CDH23: variants seen among roughly 807,000 people sequenced by gnomAD.
The protein encoded by CDH23 is cadherin-23.
Under a neutral mutation model 317.1 loss-of-function variants are expected in CDH23, and 189 were observed. The ratio of observed to expected loss-of-function variants is 0.60; its 90% CI spans 0.53 to 0.67. The LOEUF is 0.67. Ranked by LOEUF, CDH23 falls within the 30% of genes least tolerant of loss-of-function variation. The pLI, the probability that CDH23 is intolerant of heterozygous loss-of-function variation, is 0.00. For synonymous variants in CDH23, 1,839 were observed against 1,876.8 expected, an observed-to-expected ratio of 0.98 and a Z score of 0.52; for missense variants, 4,401 against 4,592.4, an observed-to-expected ratio of 0.96 and a Z score of 1.20.
intron 1 of CDH23, among the ~76,000 whole-genome samples, chr10:71,404,569 T>TA (rs1848010550): frequency 6.6e-6 from 1 of 152,160 alleles, no homozygotes; most frequent in African/African-American, 2.4e-5. Flanking sequence ...AGTCAGAGAG[T>TA]AAGCTTGTTC....
At chr10:71,813,157 T>G (rs1303158252) in intron 68 of CDH23, 87 bp from the exon 69 acceptor site, 13 of 1,296,510 alleles carry the variant, frequency 1.0e-5, no homozygotes, top group Non-Finnish European at 1.4e-5. Flanking sequence ...CAGATGTCCG[T>G]GTACCCCTTA....
intron 9 of CDH23, among the ~76,000 whole-genome samples, chr10:71,611,967 G>A (rs140472891): frequency 9.6e-4 from 146 of 152,274 alleles, no homozygotes; most frequent in African/African-American, 3.4e-3. Flanking sequence ...AATGAGACGT[G>A]CCCTTGGCCT....
At chr10:71,747,972 ATGCTC>A (rs1839893684) in intron 38 of CDH23, 1 of 152,310 alleles carries the variant, frequency 6.6e-6, no homozygotes, top group African/African-American at 2.4e-5. Flanking sequence ...GCTGGGCCTC[ATGCTC>A]AGCTGGGCTG....
chr10:71,810,005 G>A lies in CDH23; in HGVS notation c.8908G>A (p.Gly2970Ser), dbSNP rs779553715. 5.0e-6 allele frequency: 8 copies of A among 1,612,330 alleles called. No homozygotes were observed. The highest frequency in any genetic ancestry group is 4.5e-5 in the East Asian group (2 of 44,896). Reference protein sequence around the residue: ...VINEIPDRVRGFEEEFIHLLS... With the variant: ...VINEIPDRVRSFEEEFIHLLS... ...TAACGAGATCCCCGACCGTGTGCGC[G>A]GCTTCGAGGAGGAGTTCATCCACCT... The change falls in exon 61 of 70, where the codon GGC (glycine) becomes AGC (serine). Residue 2970 changes from glycine (G) to serine (S), a missense_variant. Physicochemically the swap from Gly to Ser is moderately conservative, Grantham distance 56 (BLOSUM62 0). Around this residue, in one of 3 missense-constraint regions of CDH23, gnomAD observed 1,144 missense variants for 1,138.2 expected, o/e 1.01. Transcript: ENST00000224721.
At chr10:71,575,466 C>T (rs1337127752) in intron 8 of CDH23, among the ~76,000 whole-genome samples, 7 of 152,194 alleles carry the variant, frequency 4.6e-5, no homozygotes, top group South Asian at 4.1e-4. Context: ...AGGATTCGAG[C>T]GCACGCAGTC....
chr10:71,400,533 C>T (rs374923624), intron 1 of CDH23, among the ~76,000 whole-genome samples: 1 of 152,210 alleles, frequency 6.6e-6, no homozygotes, highest in African/African-American at 2.4e-5. Flanking sequence ...GGTGCAGTGG[C>T]TCACACCTAT....
Position 71,716,167 on chromosome 10 carries a change from C to T in CDH23, c.3369+3354C>T, listed in dbSNP as rs751622058. On this transcript the variant is annotated intron_variant, in intron 28 of 69. Transcript: ENST00000224721. Reference sequence around the variant, plus strand: ...GGTCCAGCGCGGCCGGCTTGCAGAGCGTCATGAACAGCAGACAGGTGGCCA... The same window carrying T: ...GGTCCAGCGCGGCCGGCTTGCAGAGTGTCATGAACAGCAGACAGGTGGCCA... 6.4e-6 allele frequency: 10 copies of T among 1,550,704 alleles called. No individual in the cohort carries two copies. The South Asian group carries it at 1.1e-4, about 17-fold the overall frequency.
chr10:71,695,181 A>G (rs1363552981), intron 21 of CDH23, among the ~76,000 whole-genome samples: 4 of 152,188 alleles, frequency 2.6e-5, no homozygotes, highest in Non-Finnish European at 5.9e-5. Flanking sequence ...TTCAGGGCTT[A>G]TCACATCCAT....
At chr10:71,624,495 A>T (rs1327190411) in intron 11 of CDH23, among the ~76,000 whole-genome samples, 1 of 152,194 alleles carries the variant, frequency 6.6e-6, no homozygotes, top group Non-Finnish European at 1.5e-5. Context: ...GTCTATCAGG[A>T]TTAAATGGGT....
At chr10:71,703,890 C>T (rs2132737036) in intron 24 of CDH23, among the ~76,000 whole-genome samples, 1 of 152,332 alleles carries the variant, frequency 6.6e-6, no homozygotes, top group East Asian at 1.9e-4. Context: ...GAAAGATGCC[C>T]ACCAATGCAA....
chr10:71,790,635 T>C (rs1841224803), intron 46 of CDH23: 2 of 595,474 alleles, frequency 3.4e-6, no homozygotes, highest in Non-Finnish European at 5.8e-6. Flanking sequence ...GGACCTCTGT[T>C]GGTGCACGAA....
intron 1 of CDH23, among the ~76,000 whole-genome samples, chr10:71,436,591 A>G (rs915482632): frequency 3.7e-4 from 57 of 152,348 alleles, no homozygotes; most frequent in African/African-American, 1.4e-3. Context: ...CGTCTGTAAA[A>G]TGGGGACAAG....
intron 6 of CDH23, among the ~76,000 whole-genome samples, chr10:71,564,034 G>A (rs1426515391): frequency 6.6e-6 from 1 of 152,194 alleles, no homozygotes; most frequent in Non-Finnish European, 1.5e-5. Context: ...CCAAAAAGAG[G>A]TTTAACAGCA....
chr10:71,692,715 A>C (rs1208468048), intron 20 of CDH23, among the ~76,000 whole-genome samples: 1 of 152,216 alleles, frequency 6.6e-6, no homozygotes, highest in Non-Finnish European at 1.5e-5. Context: ...TCAGGGTAGA[A>C]GCAGTCCTAA....
chr10:71,684,851 C>T (rs908826270), intron 18 of CDH23, among the ~76,000 whole-genome samples: 4 of 152,130 alleles, frequency 2.6e-5, no homozygotes, highest in Non-Finnish European at 5.9e-5. Flanking sequence ...TCTGGCTAGC[C>T]CGGGGCTAGA....
Position 71,751,281 on chromosome 10 carries a change from G to A in CDH23, c.4845+9360G>A. On this transcript the variant is annotated intron_variant, in intron 38 of 69. Coordinates refer to ENST00000224721, the MANE Select transcript of CDH23 (RefSeq NM_022124.6). This position sits in a 1 kb window ranked among gnomAD's most constrained non-coding sequence, Gnocchi z 4.9. ...GATGACCTCAAAGTTTGGAGAGTCA[G>A]GGACAGGGTCTGCAAGAAAAGGAGA... 6.2e-7 allele frequency: 1 copy of A among 1,610,298 alleles called. No homozygotes were observed. Among genetic ancestry groups the A allele is most frequent in the Non-Finnish European group, 8.5e-7 (1 of 1,178,008 alleles).
At chr10:71,762,822 C>A (rs1335319502) in intron 38 of CDH23, among the ~76,000 whole-genome samples, 2 of 152,232 alleles carry the variant, frequency 1.3e-5, no homozygotes, top group Non-Finnish European at 2.9e-5. Context: ...CTCATCCATG[C>A]ACGTCCTTCC....
rs370412831 is a variant in CDH23 at position 71,426,598 on chromosome 10, C to T, written c.-5-13229C>T. 2.0e-5 allele frequency among the ~76,000 whole-genome samples: 3 copies of T among 152,212 alleles called. No homozygotes were observed. The South Asian group carries it at 6.2e-4, about 32-fold the overall frequency. ...TGGGGGCTGCGAGGAAGTAAGGGGA[C>T]TGGAAGGGGGTCTGCACCAAGGGTG... On this transcript the variant is annotated intron_variant, in intron 1 of 69. Transcript: ENST00000224721.
intron 5 of CDH23, 38 bp from the exon 6 acceptor site, chr10:71,511,082 C>G: frequency 7.5e-6 from 12 of 1,610,576 alleles, no homozygotes; most frequent in Non-Finnish European, 1.0e-5. Context: ...AGGCCAGAGT[C>G]AGGTGGCGGC....
Sources: gnomAD v4.1 joint callset for allele counts (sites outside exome capture counted in the v4.1 genomes callset) on GRCh38, gnomAD v4.1.1 for gene constraint, gnomAD v4.1.1 regional missense constraint, Gnocchi (gnomAD v3.1) non-coding constraint, MANE v1.5 for transcripts, NCBI Gene and HGNC (gene_info 2026-07-23, HGNC 2026-07-21) for gene names.